EIF4B: variants seen among roughly 807,000 people sequenced by gnomAD.
EIF4B encodes eukaryotic translation initiation factor 4B.
Under a neutral mutation model 79.3 loss-of-function variants are expected in EIF4B, and 8 were observed. That is an observed-to-expected ratio of 0.10 (90% CI 0.06 to 0.18). The LOEUF (loss-of-function observed/expected upper bound fraction) is 0.18. EIF4B is among the 10% of genes least tolerant of loss of function. EIF4B has a pLI of 1.00. For synonymous variants in EIF4B, 238 were observed against 274.7 expected (o/e 0.87, Z 1.32); for missense variants, 515 against 792.4 (o/e 0.65, Z 4.20).
rs934739617 is a variant in EIF4B, at chr12:53,025,184, T to A, written c.667+2557T>A. 5 of 455,398 alleles carry A rather than the reference T, an allele frequency of 1.1e-5. No homozygotes were observed. The Admixed American group carries it at 1.2e-4, about 11-fold the overall frequency. 28.2% of individuals were successfully genotyped at this position (455,398 alleles called of 1,614,324 possible). A position where few individuals can be genotyped will look rare whatever the true frequency, so the allele number is the denominator to read the frequency against. On this transcript the variant is annotated intron_variant, in intron 6 of 14. Coordinates refer to ENST00000262056, the MANE Select transcript of EIF4B (RefSeq NM_001417.7). The stretch of plus-strand genomic sequence containing the variant: ...AAGCCTTGGGGAGAACTATGTGAGG[T>A]GATTAACTTCAGCATTTATGCAAGA...
chr12:53,036,332 T>TC (rs1387042149), intron 10 of EIF4B, among the ~76,000 whole-genome samples: 1 of 152,126 alleles, frequency 6.6e-6, no homozygotes, highest in Non-Finnish European at 1.5e-5. Flanking sequence ...CAGGATTGTC[T>TC]CCATCTCTTG....
intron 6 of EIF4B, among the ~76,000 whole-genome samples, chr12:53,026,550 ATCTTTT>A (rs1943337823): frequency 6.6e-6 from 1 of 152,260 alleles, no homozygotes. Context: ...ATGACTTCAA[ATCTTTT>A]CATGCATAGT....
intron 6 of EIF4B, among the ~76,000 whole-genome samples, chr12:53,024,294 G>A (rs1186498039): frequency 6.6e-6 from 1 of 152,010 alleles, no homozygotes; most frequent in African/African-American, 2.4e-5. Flanking sequence ...TGGTTTGTCT[G>A]TAATCAAATA....
At chr12:53,026,267 C>G (rs941862088) in intron 6 of EIF4B, among the ~76,000 whole-genome samples, 9 of 152,194 alleles carry the variant, frequency 5.9e-5, no homozygotes, top group African/African-American at 2.2e-4. Context: ...TTGGAAGATC[C>G]TAGCAACAGT....
intron 1 of EIF4B, among the ~76,000 whole-genome samples, chr12:53,014,369 C>T (rs1480230981): frequency 6.6e-6 from 1 of 150,628 alleles, no homozygotes; most frequent in African/African-American, 2.5e-5. Context: ...ACTGAGATCG[C>T]GCCACTGCAC....
At chr12:53,033,222 T>C (rs1290449170) in intron 8 of EIF4B, among the ~76,000 whole-genome samples, 2 of 151,796 alleles carry the variant, frequency 1.3e-5, no homozygotes, top group Non-Finnish European at 2.9e-5. Flanking sequence ...TTTCTCCATG[T>C]TGGTTGTGTT....
At chr12:53,015,748 A>T (rs1943138725) in intron 1 of EIF4B, among the ~76,000 whole-genome samples, 1 of 151,506 alleles carries the variant, frequency 6.6e-6, no homozygotes, top group African/African-American at 2.4e-5. Flanking sequence ...AGGCCGAGGC[A>T]GGAGGATCAC....
At chr12:53,034,777 C>G in intron 10 of EIF4B, 68 bp downstream of exon 10, 1 of 1,536,730 alleles carries the variant, frequency 6.5e-7, no homozygotes, top group South Asian at 1.1e-5. Flanking sequence ...CCAAATTATG[C>G]AGAGACCCTG....
intron 3 of EIF4B, among the ~76,000 whole-genome samples, 166 bp downstream of exon 3, chr12:53,019,172 G>T (rs1943196315): frequency 6.6e-6 from 1 of 152,166 alleles, no homozygotes; most frequent in Admixed American, 6.5e-5. Context: ...TCTGAGGCGG[G>T]TGGATCATTT....
At chr12:53,018,645 G>T in intron 2 of EIF4B, 153 bp from the exon 3 acceptor site, 1 of 659,366 alleles carries the variant, frequency 1.5e-6, no homozygotes, top group Non-Finnish European at 2.6e-6. Flanking sequence ...GCTTCTCTTC[G>T]TAAAGTGCCC....
At chr12:53,036,156 A>G (rs1255831042) in intron 10 of EIF4B, among the ~76,000 whole-genome samples, 1 of 151,396 alleles carries the variant, frequency 6.6e-6, no homozygotes, top group Non-Finnish European at 1.5e-5. Context: ...CTTTTTGCCC[A>G]GGCTGGAGTG....
At chr12:53,034,956 C>CTTTTTTTTTTTTTTTTTTTTTTTTTT (rs72498436) in intron 10 of EIF4B, among the ~76,000 whole-genome samples, 1 of 90,156 alleles carries the variant, frequency 1.1e-5, no homozygotes, top group African/African-American at 4.3e-5. Flanking sequence ...TTGTCTCTCT[C>CTTTTTTTTTTTTTTTTTTTTTTTTTT]TTTTTTTTTT....
intron 8 of EIF4B, among the ~76,000 whole-genome samples, chr12:53,029,119 T>TG (rs1436669645): frequency 2.0e-5 from 1 of 49,864 alleles, no homozygotes. Context: ...TGAGACTGTC[T>TG]CAAAAAAAAA....
chr12:53,039,473 G>GT, intron 13 of EIF4B, 130 bp downstream of exon 13: 1 of 1,234,190 alleles, frequency 8.1e-7, no homozygotes. Context: ...AACGTAGACA[G>GT]TTAAGATTCT....
chr12:53,011,987 A>T (rs866832133), intron 1 of EIF4B: 3 of 152,342 alleles, frequency 2.0e-5, no homozygotes, highest in Middle Eastern at 6.8e-3. Flanking sequence ...TGCTTTACTT[A>T]TAAAGCAGAG....
chr12:53,016,701 A>G, intron 2 of EIF4B, 91 bp downstream of exon 2: 1 of 1,471,708 alleles, frequency 6.8e-7, no homozygotes, highest in Non-Finnish European at 9.0e-7. Flanking sequence ...GTAATCTGAA[A>G]AGAACTTACT....
chr12:53,037,339 T>C (rs1943556387), intron 10 of EIF4B, 70 bp from the exon 11 acceptor site: 1 of 1,524,384 alleles, frequency 6.6e-7, no homozygotes. Context: ...TTTTCCACAC[T>C]GTTGAGATCC....
chr12:53,027,137 A>AT (rs71095967), intron 6 of EIF4B, among the ~76,000 whole-genome samples: 1,254 of 25,792 alleles, frequency 0.049, 65 homozygotes, highest in African/African-American at 0.082. Context: ...AAAAAAAAAA[A>AT]TTTTTTTTTT....
In EIF4B at chr12:53,039,305, C is replaced by A. The variant is rs1548204; in HGVS notation, c.1644C>A (p.Gly548=). 1 allele frequency: 1,606,667 copies of A among 1,610,896 alleles called. 801,285 individuals carry two copies. The highest frequency in any genetic ancestry group is 1 in the South Asian group (90,416 of 90,418). Reference sequence around the variant, plus strand: ...CTGGGAACTCTAGCCGTGGTCCAGGCGACGGAGGGAACAGAGACCACTGGA... The same window carrying A: ...CTGGGAACTCTAGCCGTGGTCCAGGAGACGGAGGGAACAGAGACCACTGGA... ...GQTGNSSRGP[G]DGGNRDHWKE... Residue 548 remains glycine (G), a synonymous_variant, in exon 13 of 15, where the codon GGC becomes GGA. Coordinates refer to ENST00000262056, the MANE Select transcript of EIF4B (RefSeq NM_001417.7).
Sources: gnomAD v4.1 joint callset for allele counts (sites outside exome capture counted in the v4.1 genomes callset) on GRCh38, gnomAD v4.1.1 for gene constraint, MANE v1.5 for transcripts, NCBI Gene and HGNC (gene_info 2026-07-23, HGNC 2026-07-21) for gene names.